RBFOX1: variants seen among roughly 807,000 people sequenced by gnomAD.
RBFOX1 encodes the protein RNA binding fox-1 homolog 1.
A neutral mutation model predicts 57.7 loss-of-function variants in RBFOX1; 8 were observed. The ratio of observed to expected loss-of-function variants is 0.14; its 90% CI spans 0.08 to 0.25. The LOEUF is 0.25. RBFOX1 is among the 10% of genes least tolerant of loss of function. The probability of loss-of-function intolerance (pLI) is 1.00; values close to 1 mark genes in which losing one functional copy is unlikely to be tolerated. For synonymous variants in RBFOX1, 326 were observed against 222.4 expected (o/e 1.47, Z -4.15); for missense variants, 611 against 548.5 (o/e 1.11, Z -1.14).
At chr16:6,854,825 A>C (rs1171917885) in intron 3 of RBFOX1, among the ~76,000 whole-genome samples, 1 of 151,738 alleles carries the variant, frequency 6.6e-6, no homozygotes, top group Non-Finnish European at 1.5e-5. Context: ...GCATCTCCTG[A>C]CCTCGTGATC....
chr16:6,998,890 A>T (rs2092506207), intron 3 of RBFOX1, among the ~76,000 whole-genome samples: 1 of 151,764 alleles, frequency 6.6e-6, no homozygotes, highest in Non-Finnish European at 1.5e-5. Flanking sequence ...TTATTTTGCG[A>T]CTGAGTTTCA....
At chr16:5,543,708 C>A (rs1194559553) in intron 2 of RBFOX1, among the ~76,000 whole-genome samples, 1 of 151,906 alleles carries the variant, frequency 6.6e-6, no homozygotes, top group Non-Finnish European at 1.5e-5. Context: ...ACAGAAGAGA[C>A]ACGAAGAAAA....
At chr16:5,829,086 G>A (rs2056175179) in intron 3 of RBFOX1, among the ~76,000 whole-genome samples, 1 of 152,144 alleles carries the variant, frequency 6.6e-6, no homozygotes, top group African/African-American at 2.4e-5. Context: ...TCTTTAGAGG[G>A]AAGTCTCTAG....
intron 1 of RBFOX1, among the ~76,000 whole-genome samples, chr16:5,421,621 C>G (rs28653230): frequency 0.06 from 9,060 of 152,052 alleles, 684 homozygotes; most frequent in African/African-American, 0.17. Flanking sequence ...ACCCCCACCC[C>G]GGGAGGACCT....
chr16:7,042,487 T>A (rs569523570), intron 3 of RBFOX1, among the ~76,000 whole-genome samples: 10 of 152,332 alleles, frequency 6.6e-5, no homozygotes, highest in Admixed American at 6.5e-4. Context: ...TAAAATCAAA[T>A]CAGCTAATGA....
intron 2 of RBFOX1, among the ~76,000 whole-genome samples, chr16:6,614,616 C>T (rs1159207193): frequency 6.6e-6 from 1 of 152,150 alleles, no homozygotes; most frequent in African/African-American, 2.4e-5. Context: ...TGTGGGCAGG[C>T]TTGGTTCCTT....
chr16:6,701,482 A>C (rs1011581044), intron 3 of RBFOX1, among the ~76,000 whole-genome samples: 1 of 152,236 alleles, frequency 6.6e-6, no homozygotes, highest in African/African-American at 2.4e-5. Context: ...TTTGACTCTT[A>C]GTTATGTAGG....
At chr16:6,952,748 C>G (rs116449309) in intron 3 of RBFOX1, among the ~76,000 whole-genome samples, 1 of 152,036 alleles carries the variant, frequency 6.6e-6, no homozygotes, top group African/African-American at 2.4e-5. Flanking sequence ...GAATCTGAAG[C>G]GGGCGGATCA....
intron 1 of RBFOX1, among the ~76,000 whole-genome samples, chr16:5,460,187 T>C (rs892055073): frequency 2.6e-5 from 4 of 152,314 alleles, no homozygotes; most frequent in Middle Eastern, 3.4e-3. Flanking sequence ...AGAGACTCAG[T>C]GGACAAGAGG....
intron 3 of RBFOX1, among the ~76,000 whole-genome samples, chr16:6,939,800 T>C (rs1304059051): frequency 6.6e-6 from 1 of 152,096 alleles, no homozygotes; most frequent in Admixed American, 6.6e-5. Flanking sequence ...ATGTCAGCCA[T>C]CATGCTGGAC....
Position 7,709,149 on chromosome 16 carries a change from C to G in RBFOX1, c.1071+18C>G, listed in dbSNP as rs751549203. 4.4e-6 allele frequency: 7 copies of G among 1,589,460 alleles called. No individual in the cohort carries two copies. The Admixed American group carries it at 1.2e-4, about 27-fold the overall frequency. ...GTGCCATGGTGAGTACAAGTTTCTC[C>G]TTGTCCTCACTTCCTCCTGCCTCCC... On this transcript the variant is annotated intron_variant, in intron 15 of 15. Coordinates refer to ENST00000550418, the MANE Select transcript of RBFOX1 (RefSeq NM_018723.4).
chr16:5,780,023 A>G (rs566168449), intron 3 of RBFOX1, among the ~76,000 whole-genome samples: 4 of 152,366 alleles, frequency 2.6e-5, no homozygotes, highest in South Asian at 2.1e-4. Flanking sequence ...GTTATTTTCA[A>G]GACGGAGTCT....
intron 4 of RBFOX1, among the ~76,000 whole-genome samples, chr16:7,403,186 A>G (rs1185990742): frequency 6.6e-6 from 1 of 152,100 alleles, no homozygotes; most frequent in Non-Finnish European, 1.5e-5. Flanking sequence ...AGTGACCACC[A>G]CTCTGAATCC....
intron 3 of RBFOX1, among the ~76,000 whole-genome samples, chr16:6,968,980 G>T (rs78042151): frequency 0.12 from 18,837 of 151,986 alleles, 1,253 homozygotes; most frequent in South Asian, 0.23. Flanking sequence ...GTACTTTGAG[G>T]GAAGGAAGAT....
At chr16:5,630,000 C>A (rs934026945) in intron 3 of RBFOX1, among the ~76,000 whole-genome samples, 3 of 152,198 alleles carry the variant, frequency 2.0e-5, no homozygotes, top group African/African-American at 7.2e-5. Flanking sequence ...GGGATAGGAT[C>A]TCTCTATGTC....
At chr16:6,746,377 A>G (rs1188982159) in intron 3 of RBFOX1, among the ~76,000 whole-genome samples, 4 of 152,202 alleles carry the variant, frequency 2.6e-5, no homozygotes, top group East Asian at 1.9e-4. Context: ...GAAAGCTACA[A>G]TAATCAAGAA....
intron 4 of RBFOX1, among the ~76,000 whole-genome samples, chr16:5,882,513 A>G (rs184734440): frequency 6.6e-6 from 1 of 152,286 alleles, no homozygotes; most frequent in Admixed American, 6.5e-5. Context: ...GAAGAAACAA[A>G]TTTTGATGAA....
At chr16:5,920,861 T>G (rs531021448) in intron 4 of RBFOX1, among the ~76,000 whole-genome samples, 1 of 148,358 alleles carries the variant, frequency 6.7e-6, no homozygotes, top group African/African-American at 2.5e-5. Flanking sequence ...CACAAGGATC[T>G]TAAAGGAAAA....
At chr16:7,539,049 A>G (rs1287278000) in intron 5 of RBFOX1, among the ~76,000 whole-genome samples, 1 of 152,164 alleles carries the variant, frequency 6.6e-6, no homozygotes, top group Non-Finnish European at 1.5e-5. Flanking sequence ...CAGCCTTGGC[A>G]TTTGCTATGT....
Sources: gnomAD v4.1 joint callset for allele counts (sites outside exome capture counted in the v4.1 genomes callset) on GRCh38, gnomAD v4.1.1 for gene constraint, MANE v1.5 for transcripts, NCBI Gene and HGNC (gene_info 2026-07-23, HGNC 2026-07-21) for gene names.